Variants in STPG2 observed in about 807,000 individuals in gnomAD.
STPG2 encodes sperm tail PG-rich repeat containing 2.
In STPG2, 56 loss-of-function variants were observed where a neutral mutation model predicts 54.2. The observed-to-expected ratio is 1.03, with a 90% CI of 0.83 to 1.29. The LOEUF (loss-of-function observed/expected upper bound fraction) is 1.29, where lower values mean the gene tolerates loss of function less well. Among genes scored for constraint, STPG2 ranks in the 50% most tolerant of loss-of-function variants. STPG2 has a pLI of 0.00. For missense variants in STPG2, 596 were observed against 544.9 expected (o/e 1.09, Z -0.93); for synonymous variants, 200 against 181.8 (o/e 1.10, Z -0.81).
At chr4:97,815,435 T>C (rs752960636) in intron 9 of STPG2, among the ~76,000 whole-genome samples, 27 of 152,298 alleles carry the variant, frequency 1.8e-4, no homozygotes, top group Non-Finnish European at 2.9e-4. Flanking sequence ...TGAGCGTCAT[T>C]CAGTGCTCAA....
chr4:97,620,617 C>T (rs1421834053), intron 10 of STPG2, among the ~76,000 whole-genome samples: 3 of 152,090 alleles, frequency 2.0e-5, no homozygotes, highest in African/African-American at 7.2e-5. Flanking sequence ...TATATGCACC[C>T]AACATAGGAG....
At chr4:97,929,604 G>T (rs1050597957) in intron 8 of STPG2, among the ~76,000 whole-genome samples, 1 of 152,064 alleles carries the variant, frequency 6.6e-6, no homozygotes, top group Non-Finnish European at 1.5e-5. Flanking sequence ...GTATAGTTTT[G>T]ATTTGAATTT....
At chr4:97,514,913 T>C (rs982876617) in intron 4 of STPG2, among the ~76,000 whole-genome samples, 1 of 152,104 alleles carries the variant, frequency 6.6e-6, no homozygotes, top group Non-Finnish European at 1.5e-5. Flanking sequence ...ATATGATGAA[T>C]ATAAACATTA....
intron 10 of STPG2, among the ~76,000 whole-genome samples, chr4:97,672,022 T>G (rs1450775899): frequency 6.6e-6 from 1 of 152,120 alleles, no homozygotes; most frequent in East Asian, 1.9e-4. Flanking sequence ...CTGCTTCTCC[T>G]GCTATACTAC....
In STPG2 at chr4:98,017,496, T is replaced by G. The variant is rs543798935; in HGVS notation, c.613-36178A>C. 2.0e-5 allele frequency among the ~76,000 whole-genome samples: 3 copies of G among 152,328 alleles called. No homozygotes were observed. In the South Asian group the frequency reaches 6.2e-4, roughly 32 times the overall value. On this transcript the variant is annotated intron_variant, in intron 5 of 10. Transcript: ENST00000295268. Reference sequence around the variant, plus strand: ...ATCTTCCTTTCCCAACACATTTCTCTGCACTATCCTGCTCAGGTTGGGGTG... The same window carrying G: ...ATCTTCCTTTCCCAACACATTTCTCGGCACTATCCTGCTCAGGTTGGGGTG...
chr4:97,511,949 G>A (rs983248807), intron 4 of STPG2, among the ~76,000 whole-genome samples: 1 of 152,132 alleles, frequency 6.6e-6, no homozygotes, highest in African/African-American at 2.4e-5. Flanking sequence ...ACATGTGGAA[G>A]GTGGTGAGAG....
At chr4:97,927,484 A>G (rs1297609359) in intron 8 of STPG2, among the ~76,000 whole-genome samples, 2 of 152,122 alleles carry the variant, frequency 1.3e-5, no homozygotes, top group Non-Finnish European at 2.9e-5. Context: ...TAACTTCAAC[A>G]GTATTGTTTA....
chr4:97,783,692 T>C (rs1726727317), intron 9 of STPG2, among the ~76,000 whole-genome samples: 1 of 150,928 alleles, frequency 6.6e-6, no homozygotes, highest in African/African-American at 2.4e-5. Context: ...CCATCAGTGA[T>C]AGACTGGATT....
At chr4:97,658,981 C>A (rs1316571449) in intron 10 of STPG2, among the ~76,000 whole-genome samples, 1 of 152,158 alleles carries the variant, frequency 6.6e-6, no homozygotes, top group Non-Finnish European at 1.5e-5. Flanking sequence ...TTTGGTTAGG[C>A]ATCTCACGTT....
At chr4:98,031,580 G>A (rs1352127645) in intron 5 of STPG2, among the ~76,000 whole-genome samples, 1 of 152,114 alleles carries the variant, frequency 6.6e-6, no homozygotes, top group Non-Finnish European at 1.5e-5. Context: ...AGCTACTCAG[G>A]AGGCTGAGGC....
intron 8 of STPG2, among the ~76,000 whole-genome samples, chr4:97,899,954 A>T (rs1343207467): frequency 6.7e-6 from 1 of 148,804 alleles, no homozygotes; most frequent in Non-Finnish European, 1.5e-5. Context: ...TCACAACAAA[A>T]GCAAATGAAA....
chr4:97,499,514 T>G (rs2148832340), intron 4 of STPG2, among the ~76,000 whole-genome samples: 1 of 152,130 alleles, frequency 6.6e-6, no homozygotes, highest in African/African-American at 2.4e-5. Context: ...CCAAGTAAAT[T>G]TCCTTTAATT....
chr4:97,512,589 G>C (rs1006451358), intron 4 of STPG2, among the ~76,000 whole-genome samples: 3 of 151,682 alleles, frequency 2.0e-5, no homozygotes, highest in Non-Finnish European at 4.4e-5. Flanking sequence ...GAAGAGGAAA[G>C]GGAGGGAAAA....
At chr4:97,665,827 AG>A (rs1297343247) in intron 10 of STPG2, among the ~76,000 whole-genome samples, 4 of 152,096 alleles carry the variant, frequency 2.6e-5, no homozygotes, top group African/African-American at 9.7e-5. Flanking sequence ...CTGAGGTGCC[AG>A]GGGTTTGGCC....
At chr4:97,486,845 A>ATATATGTATG (rs758834350) in intron 4 of STPG2, among the ~76,000 whole-genome samples, 63 of 137,132 alleles carry the variant, frequency 4.6e-4, no homozygotes, top group African/African-American at 1.9e-3. Context: ...ATATATATAT[A>ATATATGTATG]TATGTATGTA....
At chr4:97,876,908 T>C (rs1367145638) in intron 8 of STPG2, among the ~76,000 whole-genome samples, 1 of 152,104 alleles carries the variant, frequency 6.6e-6, no homozygotes, top group East Asian at 1.9e-4. Context: ...TTTTAAAATA[T>C]AGGTAAGATC....
chr4:97,914,359 A>G (rs896678463), intron 8 of STPG2, among the ~76,000 whole-genome samples: 1 of 152,206 alleles, frequency 6.6e-6, no homozygotes, highest in Admixed American at 6.5e-5. Flanking sequence ...ACTTAAGAAA[A>G]CAGGCATCAA....
At chr4:97,442,194 A>G (rs1417885864) in intron 4 of STPG2, among the ~76,000 whole-genome samples, 1 of 151,822 alleles carries the variant, frequency 6.6e-6, no homozygotes, top group Non-Finnish European at 1.5e-5. Flanking sequence ...TTTTCTGGCT[A>G]TATCACTTTT....
intron 10 of STPG2, among the ~76,000 whole-genome samples, chr4:97,611,459 C>T (rs1041099100): frequency 2.0e-5 from 3 of 151,640 alleles, no homozygotes; most frequent in African/African-American, 7.3e-5. Context: ...AAAGACTATA[C>T]CAAAAGCAAG....
Sources: gnomAD v4.1 joint callset for allele counts (sites outside exome capture counted in the v4.1 genomes callset) on GRCh38, gnomAD v4.1.1 for gene constraint, MANE v1.5 for transcripts, NCBI Gene and HGNC (gene_info 2026-07-23, HGNC 2026-07-21) for gene names.